The following DNM3 variants were observed in gnomAD, a reference collection of about 807,000 sequenced individuals.
The protein encoded by DNM3 is dynamin 3, also known as dynamin-3.
A neutral mutation model predicts 101.6 loss-of-function variants in DNM3; 47 were observed. The ratio of observed to expected loss-of-function variants is 0.46; its 90% CI spans 0.37 to 0.59. DNM3 has a LOEUF of 0.59. Among genes scored for constraint, DNM3 ranks in the 20% least tolerant of loss-of-function variants. The probability of loss-of-function intolerance (pLI) is 0.00; values close to 1 mark genes in which losing one functional copy is unlikely to be tolerated. For synonymous variants in DNM3, 385 were observed against 387.9 expected (o/e 0.99, Z 0.09); for missense variants, 849 against 1,085.7 (o/e 0.78, Z 3.06).
rs1419467450 is a variant in DNM3, at chr1:172,153,605, A to G, written c.1659+22317A>G. Among the ~76,000 whole-genome samples, 5 of 148,012 alleles carry G rather than the reference A, an allele frequency of 3.4e-5. No homozygotes were observed. In the East Asian group the frequency reaches 8.1e-4, roughly 24 times the overall value. On this transcript the variant is annotated intron_variant, in intron 14 of 20. Coordinates refer to ENST00000627582, the MANE Select transcript of DNM3 (RefSeq NM_015569.5). ...ATTCAGCACGAAACTTTCTCTGAGTATTCCTCTTCTCTCCAGCCCCTATTC... is the reference window on the plus strand; with the variant it reads ...ATTCAGCACGAAACTTTCTCTGAGTGTTCCTCTTCTCTCCAGCCCCTATTC...
intron 2 of DNM3, among the ~76,000 whole-genome samples, chr1:171,964,829 CAG>C (rs2043457046): frequency 2.6e-5 from 4 of 151,180 alleles, no homozygotes. Context: ...TTGGTCCCCT[CAG>C]TGATTTCTCT....
At chr1:172,412,872 G>A (rs78405056), downstream of DNM3, among the ~76,000 whole-genome samples, 2,095 of 152,272 alleles carry the variant, frequency 0.014, 22 homozygotes, top group Middle Eastern at 0.024. Context: ...TTAATTTGGA[G>A]AAAGATGGGA....
At chr1:172,186,382 G>GTT (rs202132172) in intron 14 of DNM3, among the ~76,000 whole-genome samples, 155 of 147,516 alleles carry the variant, frequency 1.1e-3, no homozygotes, top group Admixed American at 1.4e-3. Flanking sequence ...GTCAGTTGCT[G>GTT]TTTTTTTTTT....
At chr1:172,065,738 C>T (rs1467700633) in intron 10 of DNM3, among the ~76,000 whole-genome samples, 1 of 151,994 alleles carries the variant, frequency 6.6e-6, no homozygotes, top group African/African-American at 2.4e-5. Context: ...TTTGTGGTAA[C>T]CAAAGCAGTC....
rs1375647160 is a variant in DNM3, at chr1:172,022,416, C to T, written c.590-9986C>T. Among the ~76,000 whole-genome samples, 9 of 151,900 alleles carry T rather than the reference C, an allele frequency of 5.9e-5. No homozygotes were observed. In the South Asian group the frequency reaches 8.3e-4, roughly 14 times the overall value. ...GGAGTTCATTGATTATTTTAAGCTG[C>T]CTATTTGTGTAACTTAATATAGATA... On this transcript the variant is annotated intron_variant, in intron 4 of 20. Transcript: ENST00000627582.
In DNM3 at chr1:171,917,288, AT is replaced by A. The variant is rs1051006160; in HGVS notation, c.162-4452del. ...GTTACTTTATTTGCTGCCGGGGGGA[AT>A]TTTTTTTAGTTTTCTTGATACAGCT... On this transcript the variant is annotated intron_variant, in intron 1 of 20. Transcript: ENST00000627582. 7.9e-5 allele frequency among the ~76,000 whole-genome samples: 12 copies of A among 152,102 alleles called. No homozygotes were observed. The East Asian group carries it at 1.9e-3, about 24-fold the overall frequency.
At chr1:172,221,921 T>A (rs1573003566) in intron 14 of DNM3, among the ~76,000 whole-genome samples, 1 of 152,148 alleles carries the variant, frequency 6.6e-6, no homozygotes, top group African/African-American at 2.4e-5. Flanking sequence ...GTAGGGTTTG[T>A]TCAATGCATA....
chr1:172,325,528 C>T (rs887532954), intron 17 of DNM3, among the ~76,000 whole-genome samples: 4 of 100,966 alleles, frequency 4.0e-5, no homozygotes, highest in African/African-American at 1.5e-4. Flanking sequence ...TAGACTCTGG[C>T]ATAAAAAAAA....
intron 14 of DNM3, among the ~76,000 whole-genome samples, chr1:172,247,183 G>A (rs1444472721): frequency 1.3e-5 from 2 of 152,068 alleles, no homozygotes; most frequent in South Asian, 2.1e-4. Context: ...TGTGGTCTAC[G>A]CACGTTTTTG....
chr1:172,360,106 T>G (rs1409204558), intron 17 of DNM3, among the ~76,000 whole-genome samples: 1 of 152,070 alleles, frequency 6.6e-6, no homozygotes, highest in Non-Finnish European at 1.5e-5. Context: ...AGTGTACATA[T>G]TAGTATTTTC....
intron 17 of DNM3, among the ~76,000 whole-genome samples, chr1:172,340,057 C>A (rs894268966): frequency 1.3e-5 from 2 of 152,082 alleles, no homozygotes; most frequent in African/African-American, 4.8e-5. Flanking sequence ...ATTGTGCAAT[C>A]TAGCAGCTGT....
chr1:171,923,264 A>T (rs2040319798), intron 2 of DNM3, among the ~76,000 whole-genome samples: 1 of 152,188 alleles, frequency 6.6e-6, no homozygotes, highest in Non-Finnish European at 1.5e-5. Flanking sequence ...CTAATGACTA[A>T]AGATACTGAG....
At chr1:172,075,472 C>T (rs1474175091) in intron 11 of DNM3, among the ~76,000 whole-genome samples, 2 of 152,146 alleles carry the variant, frequency 1.3e-5, no homozygotes, top group East Asian at 3.8e-4. Flanking sequence ...TTTAATCCAT[C>T]CTGAGTCAAT....
chr1:172,145,636 CTAT>C (rs2057852395), intron 14 of DNM3, among the ~76,000 whole-genome samples: 1 of 151,984 alleles, frequency 6.6e-6, no homozygotes, highest in Non-Finnish European at 1.5e-5. Context: ...GAATGCTGTG[CTAT>C]AGTTTGACCT....
intron 2 of DNM3, among the ~76,000 whole-genome samples, chr1:171,973,592 G>A (rs1203614486): frequency 6.6e-6 from 1 of 151,862 alleles, no homozygotes; most frequent in Non-Finnish European, 1.5e-5. Context: ...AGGGAACTGA[G>A]GCTTGGGGAA....
intron 4 of DNM3, among the ~76,000 whole-genome samples, chr1:172,011,208 C>T (rs1466659427): frequency 6.6e-6 from 1 of 151,878 alleles, no homozygotes; most frequent in Non-Finnish European, 1.5e-5. Flanking sequence ...TCCACTGTAG[C>T]TGGTGGGAAC....
intron 14 of DNM3, among the ~76,000 whole-genome samples, chr1:172,186,372 G>A (rs1047535296): frequency 6.8e-6 from 1 of 146,674 alleles, no homozygotes; most frequent in Admixed American, 6.9e-5. Flanking sequence ...TTAACCCTGT[G>A]TCAGTTGCTG....
In DNM3 at chr1:172,297,159, A is replaced by G. The variant is rs527801797; in HGVS notation, c.1770-11569A>G. Among the ~76,000 whole-genome samples the G allele has an allele frequency of 8.6e-5, 13 of 151,262 alleles. No individual in the cohort carries two copies. In the East Asian group the frequency reaches 1.9e-3, roughly 23 times the overall value. On this transcript the variant is annotated intron_variant, in intron 15 of 20. Coordinates refer to ENST00000627582, the MANE Select transcript of DNM3 (RefSeq NM_015569.5). Reference sequence around the variant, plus strand: ...CTCCATCTCAAAAAAAAAAAAAAAAAATAGCATCTTATTAATTTTGGTAGT... The same window carrying G: ...CTCCATCTCAAAAAAAAAAAAAAAAGATAGCATCTTATTAATTTTGGTAGT...
intron 1 of DNM3, among the ~76,000 whole-genome samples, chr1:171,912,182 T>C (rs2125281621): frequency 6.6e-6 from 1 of 152,296 alleles, no homozygotes; most frequent in East Asian, 1.9e-4. Flanking sequence ...ATAATACATA[T>C]TCTCAGTTGG....
Sources: allele counts gnomAD v4.1 joint callset (sites outside exome capture counted in the v4.1 genomes callset), GRCh38; gene constraint gnomAD v4.1.1; transcripts MANE v1.5; gene names NCBI Gene and HGNC (gene_info 2026-07-23, HGNC 2026-07-21).